Variants in CSMD2 observed in about 807,000 individuals in gnomAD.
CSMD2 encodes CUB and sushi domain-containing protein 2.
CSMD2 carries 130 observed loss-of-function variants against 398.5 expected under a neutral mutation model. That is an observed-to-expected ratio of 0.33 (90% CI 0.28 to 0.38). The LOEUF (loss-of-function observed/expected upper bound fraction) is 0.38, where lower values mean the gene tolerates loss of function less well. Ranked by LOEUF, CSMD2 falls within the 10% of genes least tolerant of loss-of-function variation. The probability of loss-of-function intolerance (pLI) is 1.00; values close to 1 mark genes in which losing one functional copy is unlikely to be tolerated. For synonymous variants in CSMD2, 1,828 were observed against 1,908.5 expected (o/e 0.96, Z 1.10); for missense variants, 3,829 against 4,764.9 (o/e 0.80, Z 5.78).
At chr1:34,141,255 T>C (rs1639265436) in intron 1 of CSMD2, among the ~76,000 whole-genome samples, 1 of 151,872 alleles carries the variant, frequency 6.6e-6, no homozygotes, top group Non-Finnish European at 1.5e-5. Flanking sequence ...CCCATAAATA[T>C]TCATCAAGCC....
At chr1:33,680,918 CTTTTTT>C (rs66489770) in intron 25 of CSMD2, among the ~76,000 whole-genome samples, 170 of 75,948 alleles carry the variant, frequency 2.2e-3, no homozygotes, top group Non-Finnish European at 3.2e-3. Context: ...CTGTTTTATG[CTTTTTT>C]TTTTTTTTTT....
At position 33,611,070 on chromosome 1, in the gene CSMD2, T is replaced by C. The variant is rs1309836375; in HGVS notation, c.6314A>G (p.Asn2105Ser). The C allele has an allele frequency of 2.5e-6, 4 of 1,613,904 alleles. No homozygotes were observed. The highest frequency in any genetic ancestry group is 3.4e-6 in the Non-Finnish European group (4 of 1,180,008). ...ATACTCCAGCTTGAATCCTGGCCGA[T>C]TCTGGGAGTGGTCGCTGTGGAAATA... is the stretch of plus-strand genomic sequence containing the variant. ...TVYFHSDHSQ[N>S]RPGFKLEYQA... The change falls in exon 41 of 71, where the codon AAT (asparagine) becomes AGT (serine). Residue 2105 changes from asparagine to serine, a missense_variant. Asn to Ser is a conservative substitution (Grantham distance 46, BLOSUM62 1). Around this residue, in one of 5 missense-constraint regions of CSMD2, gnomAD observed 2,001 missense variants for 2,567.1 expected, o/e 0.78. Transcript: ENST00000373381.
chr1:33,651,579 C>A (rs1643757957), intron 28 of CSMD2, among the ~76,000 whole-genome samples: 1 of 152,030 alleles, frequency 6.6e-6, no homozygotes, highest in African/African-American at 2.4e-5. Flanking sequence ...TTTGACAAAG[C>A]CCGGCAAAAG....
chr1:33,586,419 A>T, intron 46 of CSMD2, 85 bp downstream of exon 46: 3 of 845,890 alleles, frequency 3.5e-6, no homozygotes, highest in Non-Finnish European at 6.0e-6. Context: ...TGAGCTGAGA[A>T]CTGGGAATAG....
chr1:33,818,674 T>C (rs1370066491), intron 9 of CSMD2, among the ~76,000 whole-genome samples: 1 of 152,230 alleles, frequency 6.6e-6, no homozygotes. Context: ...AAGAACATTA[T>C]AAACTGTAGA....
chr1:33,664,426 G>T (rs2149005649), intron 25 of CSMD2, among the ~76,000 whole-genome samples: 1 of 152,270 alleles, frequency 6.6e-6, no homozygotes, highest in African/African-American at 2.4e-5. Context: ...AGGAACATTT[G>T]CATCTTTATG....
intron 3 of CSMD2, among the ~76,000 whole-genome samples, chr1:34,004,999 G>A (rs1270069279): frequency 6.6e-6 from 1 of 152,168 alleles, no homozygotes; most frequent in African/African-American, 2.4e-5. Flanking sequence ...GAAGACAATG[G>A]GCATGGATGG....
intron 66 of CSMD2, among the ~76,000 whole-genome samples, 174 bp downstream of exon 66, chr1:33,524,708 C>A (rs199627966): frequency 6.6e-6 from 1 of 152,086 alleles, no homozygotes; most frequent in East Asian, 1.9e-4. Context: ...TAAACATTTC[C>A]CTTTAGTCCA....
chr1:33,520,691 C>A (rs919941671), intron 68 of CSMD2, among the ~76,000 whole-genome samples: 5 of 152,142 alleles, frequency 3.3e-5, no homozygotes, highest in Admixed American at 3.3e-4. Context: ...GGGAGCAGAC[C>A]GTGGCTCAGT....
At chr1:33,658,306 C>G (rs777456244) in intron 26 of CSMD2, among the ~76,000 whole-genome samples, 169 bp from the exon 27 acceptor site, 3 of 151,058 alleles carry the variant, frequency 2.0e-5, no homozygotes, top group African/African-American at 7.4e-5. Context: ...TTCTCACTCC[C>G]ATTACTATCA....
At chr1:33,805,701 G>C (rs1656150016) in intron 10 of CSMD2, among the ~76,000 whole-genome samples, 1 of 152,018 alleles carries the variant, frequency 6.6e-6, no homozygotes, top group African/African-American at 2.4e-5. Context: ...GGGAAGGGGA[G>C]GAGGCATCAA....
chr1:33,900,704 C>T (rs1457613282), intron 5 of CSMD2, among the ~76,000 whole-genome samples: 9 of 151,514 alleles, frequency 5.9e-5, no homozygotes, highest in South Asian at 2.1e-4. Context: ...TGCTTGAACC[C>T]GGGAGGCAGA....
At chr1:33,956,633 C>G (rs943871764) in intron 3 of CSMD2, among the ~76,000 whole-genome samples, 3 of 152,026 alleles carry the variant, frequency 2.0e-5, no homozygotes, top group Admixed American at 6.6e-5. Context: ...TATGTTCCAC[C>G]CCCACACCCA....
intron 15 of CSMD2, 67 bp from the exon 16 acceptor site, chr1:33,726,752 C>T: frequency 1.3e-6 from 2 of 1,500,888 alleles, no homozygotes; most frequent in East Asian, 2.3e-5. Context: ...CAGAAAATCT[C>T]TCTATAAAAT....
At chr1:33,592,400 A>G in intron 44 of CSMD2, 1 of 715,796 alleles carries the variant, frequency 1.4e-6, no homozygotes, top group Non-Finnish European at 2.6e-6. Context: ...CAGTCAGCTC[A>G]GGTGTCCACC....
chr1:33,543,127 C>T (rs1306357894), intron 57 of CSMD2, among the ~76,000 whole-genome samples: 1 of 152,158 alleles, frequency 6.6e-6, no homozygotes, highest in Non-Finnish European at 1.5e-5. Context: ...AAAAGATGAT[C>T]TATTCTATTA....
chr1:33,569,140 C>A (rs1659340024), intron 52 of CSMD2, among the ~76,000 whole-genome samples: 1 of 152,124 alleles, frequency 6.6e-6, no homozygotes, highest in Non-Finnish European at 1.5e-5. Context: ...GAATGAGAAC[C>A]CCTCAAAAGC....
intron 28 of CSMD2, among the ~76,000 whole-genome samples, chr1:33,651,925 G>C (rs181700701): frequency 4.2e-4 from 63 of 151,434 alleles, no homozygotes; most frequent in Admixed American, 2.8e-3. Context: ...GAGCTAGATT[G>C]GGGGGGGTGC....
At chr1:34,021,767 G>C (rs1163086186) in intron 3 of CSMD2, among the ~76,000 whole-genome samples, 1 of 152,192 alleles carries the variant, frequency 6.6e-6, no homozygotes, top group African/African-American at 2.4e-5. Context: ...CTGAAAAGGA[G>C]GAATCCTGAC....
Sources: allele counts gnomAD v4.1 joint callset (sites outside exome capture counted in the v4.1 genomes callset), GRCh38; gene constraint gnomAD v4.1.1; regional missense constraint gnomAD v4.1.1; transcripts MANE v1.5; gene names NCBI Gene and HGNC (gene_info 2026-07-23, HGNC 2026-07-21).